The following SH2D4A variants were observed in gnomAD, a reference collection of about 807,000 sequenced individuals.
The protein encoded by SH2D4A is SH2 domain-containing protein 4A.
Under a neutral mutation model 64.7 loss-of-function variants are expected in SH2D4A, and 70 were observed. That is an observed-to-expected ratio of 1.08 (90% CI 0.89 to 1.32). The LOEUF (loss-of-function observed/expected upper bound fraction) is 1.32. SH2D4A is among the 40% of genes most tolerant of loss of function. The pLI is 0.00. For missense variants in SH2D4A, 706 were observed against 540.1 expected (o/e 1.31, Z -3.04); for synonymous variants, 268 against 200.7 (o/e 1.34, Z -2.83).
intron 3 of SH2D4A, among the ~76,000 whole-genome samples, chr8:19,333,464 A>G (rs1350471173): frequency 6.6e-6 from 1 of 152,160 alleles, no homozygotes. Flanking sequence ...TGGCTGCACT[A>G]GAGTCATGTT....
rs2053561791 is a variant in SH2D4A at position 19,394,902 on chromosome 8, T to TTAATGATGTACA, written c.*264_*275dup. 3.3e-6 allele frequency: 1 copy of TTAATGATGTACA among 306,096 alleles called. No homozygotes were observed. The highest frequency in any genetic ancestry group is 6.0e-6 in the Non-Finnish European group (1 of 168,040). The allele number at this position is 306,096 out of a possible 1,614,324, so 19.0% of individuals were successfully genotyped here. A position where few individuals can be genotyped will look rare whatever the true frequency, so the allele number is the denominator to read the frequency against. Reference sequence around the variant, plus strand: ...AGTACCTGTCATGAAGGGTATGACCTTAATGATGTACATAAAATAAAACAA... The same window carrying TTAATGATGTACA: ...AGTACCTGTCATGAAGGGTATGACCTTAATGATGTACATAATGATGTACATAAAATAAAACAA... On this transcript the variant is annotated 3_prime_UTR_variant, in exon 10 of 10. Coordinates refer to ENST00000265807, the MANE Select transcript of SH2D4A (RefSeq NM_022071.4).
At chr8:19,368,530 A>C (rs1371296748) in intron 7 of SH2D4A, among the ~76,000 whole-genome samples, 1 of 150,000 alleles carries the variant, frequency 6.7e-6, no homozygotes, top group Non-Finnish European at 1.5e-5. Context: ...AGTGTTTTAT[A>C]GTTTTTCTTG....
rs753372116 is a variant in SH2D4A, at chr8:19,393,366, T to G, written c.1097T>G (p.Met366Arg). Reference sequence around the variant, plus strand: ...AATGAACTTCTTCTGAGCACAGGCATGCCCGGCAGTTTTCTCATCCGAGTC... The same window carrying G: ...AATGAACTTCTTCTGAGCACAGGCAGGCCCGGCAGTTTTCTCATCCGAGTC... Reference protein sequence around the residue: ...KANELLLSTGMPGSFLIRVSE... With the variant: ...KANELLLSTGRPGSFLIRVSE... The change falls in exon 9 of 10, where the codon ATG becomes AGG. Residue 366 changes from methionine (M) to arginine (R), a missense_variant. Transcript: ENST00000265807. 7.4e-6 allele frequency: 12 copies of G among 1,614,092 alleles called. No individual in the cohort carries two copies. Among genetic ancestry groups the G allele is most frequent in the Non-Finnish European group, 4.2e-6 (5 of 1,179,926 alleles).
At chr8:19,374,301 A>C (rs1304068469) in intron 8 of SH2D4A, among the ~76,000 whole-genome samples, 1 of 152,182 alleles carries the variant, frequency 6.6e-6, no homozygotes, top group Non-Finnish European at 1.5e-5. Context: ...CACCCAGCAG[A>C]TACTTCACAG....
chr8:19,330,295 C>G (rs1315267101), intron 2 of SH2D4A, among the ~76,000 whole-genome samples: 2 of 152,154 alleles, frequency 1.3e-5, no homozygotes, highest in East Asian at 1.9e-4. Context: ...TGAAGCTCCT[C>G]CAGTATCCCC....
At chr8:19,346,763 A>C (rs2117244567) in intron 4 of SH2D4A, among the ~76,000 whole-genome samples, 1 of 152,326 alleles carries the variant, frequency 6.6e-6, no homozygotes, top group South Asian at 2.1e-4. Context: ...AGGAGAAAGC[A>C]GCTTGCCCAG....
rs1156594668 is a variant in SH2D4A at position 19,395,636 on chromosome 8, A to C, written c.*994A>C. The C allele has an allele frequency of 6.6e-6, 1 of 152,264 alleles. No homozygotes were observed. The highest frequency in any genetic ancestry group is 1.5e-5 in the Non-Finnish European group (1 of 68,140). 9.4% of individuals were successfully genotyped at this position (152,264 alleles called of 1,614,324 possible). Reference sequence around the variant, plus strand: ...GGAAGAAGACCAGGGGACAAGAGGCAAGTTGGAGTGATGCAGCCGGAAGGG... The same window carrying C: ...GGAAGAAGACCAGGGGACAAGAGGCCAGTTGGAGTGATGCAGCCGGAAGGG... On this transcript the variant is annotated 3_prime_UTR_variant, in exon 10 of 10. Transcript: ENST00000265807.
intron 1 of SH2D4A, 56 bp downstream of exon 1, chr8:19,313,879 G>C (rs960885414): frequency 3.6e-6 from 5 of 1,390,084 alleles, no homozygotes; most frequent in Admixed American, 3.2e-5. Context: ...GGTGGGAGTA[G>C]GGGGAAGGGA....
intron 4 of SH2D4A, among the ~76,000 whole-genome samples, chr8:19,346,438 G>A (rs576663295): frequency 3.3e-5 from 5 of 152,346 alleles, no homozygotes; most frequent in African/African-American, 1.2e-4. Context: ...AATGCCTGAC[G>A]ATCTGTCACT....
chr8:19,371,915 C>A (rs2053105923), intron 7 of SH2D4A, among the ~76,000 whole-genome samples: 1 of 152,114 alleles, frequency 6.6e-6, no homozygotes, highest in Non-Finnish European at 1.5e-5. Context: ...CTACATTTCC[C>A]TGATAAATTT....
At chr8:19,321,943 A>G (rs1026704215) in intron 2 of SH2D4A, among the ~76,000 whole-genome samples, 2 of 152,164 alleles carry the variant, frequency 1.3e-5, no homozygotes, top group South Asian at 2.1e-4. Flanking sequence ...AGGGTTTTGA[A>G]TCTACCTCTC....
At chr8:19,357,740 C>T (rs559104756) in intron 5 of SH2D4A, among the ~76,000 whole-genome samples, 3 of 152,318 alleles carry the variant, frequency 2.0e-5, no homozygotes, top group Non-Finnish European at 2.9e-5. Context: ...CCCTCTCTCA[C>T]GTCCATCTAG....
In SH2D4A at chr8:19,366,763, G is replaced by A. The variant is rs965131386; in HGVS notation, c.917+2481G>A. On this transcript the variant is annotated intron_variant, in intron 7 of 9. Coordinates refer to ENST00000265807, the MANE Select transcript of SH2D4A (RefSeq NM_022071.4). ...GCCAAGATCACACCACTGCACTCCAGCCTGGATGACAGAGTGAGACTCTGT... is the reference window on the plus strand; with the variant it reads ...GCCAAGATCACACCACTGCACTCCAACCTGGATGACAGAGTGAGACTCTGT... 2.6e-5 allele frequency among the ~76,000 whole-genome samples: 4 copies of A among 152,300 alleles called. No homozygotes were observed. The East Asian group carries it at 7.7e-4, about 29-fold the overall frequency.
intron 4 of SH2D4A, among the ~76,000 whole-genome samples, chr8:19,349,369 G>A (rs1353047453): frequency 6.6e-6 from 1 of 152,066 alleles, no homozygotes; most frequent in East Asian, 1.9e-4. Context: ...AAGCTGTTGT[G>A]CTTTTTAAAA....
In SH2D4A at chr8:19,394,583, CTTCTCT is replaced by C; in HGVS notation, c.1307_1312del (p.Leu436_Tyr438delinsHis). 1 of 1,607,912 alleles carries C rather than the reference CTTCTCT, an allele frequency of 6.2e-7. No individual in the cohort carries two copies. Among genetic ancestry groups the C allele is most frequent in the Non-Finnish European group, 8.5e-7 (1 of 1,176,682 alleles). On this transcript the variant is annotated inframe_deletion, in exon 10 of 10. Coordinates refer to ENST00000265807, the MANE Select transcript of SH2D4A (RefSeq NM_022071.4). ...CATCACTTCCCTGGGGAAGGAGCTCCTTCTCTATCCCTGTGGTCAGCAGGACCAGCT... is the reference window on the plus strand; with the variant it reads ...CATCACTTCCCTGGGGAAGGAGCTCCATCCCTGTGGTCAGCAGGACCAGCT...
rs761943407 is a variant in SH2D4A at position 19,384,077 on chromosome 8, A to G, written c.1049-9241A>G. Among the ~76,000 whole-genome samples the G allele has an allele frequency of 4.0e-4, 61 of 152,162 alleles. 1 individual carries two copies. Among genetic ancestry groups the G allele is most frequent in the Non-Finnish European group, 1.5e-4 (10 of 68,034 alleles). The stretch of plus-strand genomic sequence containing the variant: ...CTTTCTTTTCGTATCATTTTGAGTA[A>G]CAGTGTAACTAAGCAGCACTTCAGT... On this transcript the variant is annotated intron_variant, in intron 8 of 9. Transcript: ENST00000265807.
At chr8:19,393,120 C>CTAT (rs758166118) in intron 8 of SH2D4A, among the ~76,000 whole-genome samples, 198 bp from the exon 9 acceptor site, 2 of 152,170 alleles carry the variant, frequency 1.3e-5, no homozygotes, top group Non-Finnish European at 2.9e-5. Flanking sequence ...CAGTTTGCCT[C>CTAT]TATAACCTGT....
At chr8:19,373,311 A>C in intron 7 of SH2D4A, among the ~76,000 whole-genome samples, 1 of 148,978 alleles carries the variant, frequency 6.7e-6, no homozygotes, top group South Asian at 2.1e-4. Context: ...TCTCCCTCCC[A>C]TTCTCTCTCT....
chr8:19,353,642 C>T (rs147322442), intron 4 of SH2D4A, among the ~76,000 whole-genome samples: 2 of 147,742 alleles, frequency 1.4e-5, no homozygotes, highest in South Asian at 4.3e-4. Context: ...GCTGGGATTA[C>T]AGGCGTGAGC....
Sources: allele counts gnomAD v4.1 joint callset (sites outside exome capture counted in the v4.1 genomes callset), GRCh38; gene constraint gnomAD v4.1.1; transcripts MANE v1.5; gene names NCBI Gene and HGNC (gene_info 2026-07-23, HGNC 2026-07-21).